TMEM117: variants seen among roughly 807,000 people sequenced by gnomAD.
TMEM117 encodes transmembrane protein 117.
A neutral mutation model predicts 52.4 loss-of-function variants in TMEM117; 27 were observed. The observed-to-expected ratio is 0.51, with a 90% CI of 0.38 to 0.71. TMEM117 has a LOEUF of 0.71. Among genes scored for constraint, TMEM117 ranks in the 30% least tolerant of loss-of-function variants. The pLI is 0.00. For synonymous variants in TMEM117, 215 were observed against 206.3 expected (o/e 1.04, Z -0.36); for missense variants, 556 against 630.5 (o/e 0.88, Z 1.26).
intron 4 of TMEM117, among the ~76,000 whole-genome samples, chr12:44,194,962 T>C (rs1341845891): frequency 7.9e-5 from 12 of 152,210 alleles, no homozygotes; most frequent in Non-Finnish European, 1.5e-5. Context: ...GAGCAAAGAT[T>C]AGCAGGCTAG....
chr12:44,019,504 C>G (rs1946423605), intron 3 of TMEM117, among the ~76,000 whole-genome samples: 1 of 152,054 alleles, frequency 6.6e-6, no homozygotes. Flanking sequence ...ATCTGGGGCT[C>G]TCTTCTCTAT....
chr12:43,946,218 A>G (rs1237974863), intron 3 of TMEM117, among the ~76,000 whole-genome samples: 2 of 152,146 alleles, frequency 1.3e-5, no homozygotes, highest in African/African-American at 4.8e-5. Flanking sequence ...AACACAGCCA[A>G]AGGTTTCTCT....
chr12:43,874,426 CAAAAA>C (rs11436135), intron 2 of TMEM117, among the ~76,000 whole-genome samples: 1 of 143,946 alleles, frequency 6.9e-6, no homozygotes, highest in East Asian at 2.0e-4. Context: ...ACTAAAAGTA[CAAAAA>C]AAAAAAAAAT....
the TMEM117 span, among the ~76,000 whole-genome samples, chr12:43,820,767 A>G: frequency 1.3e-5 from 2 of 152,114 alleles, no homozygotes; most frequent in Non-Finnish European, 2.9e-5. Flanking sequence ...ATAGACAAGT[A>G]ATAAGTTAAA....
At chr12:44,011,642 A>G (rs1181132190) in intron 3 of TMEM117, among the ~76,000 whole-genome samples, 2 of 145,412 alleles carry the variant, frequency 1.4e-5, no homozygotes, top group Non-Finnish European at 3.0e-5. Flanking sequence ...ATAGAGTAAT[A>G]TAACTATATT....
chr12:44,187,840 A>G (rs1476565315), intron 4 of TMEM117, among the ~76,000 whole-genome samples: 1 of 152,102 alleles, frequency 6.6e-6, no homozygotes, highest in Non-Finnish European at 1.5e-5. Context: ...TAAGTGACTC[A>G]TATGGAGCTG....
chr12:44,257,074 T>C (rs186691125), intron 5 of TMEM117, among the ~76,000 whole-genome samples: 1 of 149,164 alleles, frequency 6.7e-6, no homozygotes, highest in Non-Finnish European at 1.5e-5. Context: ...ATACTAGATG[T>C]TTATTTGTAT....
In TMEM117 at chr12:44,385,250, A is replaced by G. The variant is rs1365521953; in HGVS notation, c.899-2776A>G. Among the ~76,000 whole-genome samples, 9 of 152,298 alleles carry G rather than the reference A, an allele frequency of 5.9e-5. No individual in the cohort carries two copies. The South Asian group carries it at 1.7e-3, about 28-fold the overall frequency. On this transcript the variant is annotated intron_variant, in intron 7 of 7. Transcript: ENST00000266534. Reference sequence around the variant, plus strand: ...GATATCCGTTAACTGATGTTAGGCCATACAGTTTTAATTTGCTCCTTCTCC... The same window carrying G: ...GATATCCGTTAACTGATGTTAGGCCGTACAGTTTTAATTTGCTCCTTCTCC...
rs56170922 is a variant in TMEM117 at position 43,912,507 on chromosome 12, T to TTATATATATA, written c.278-31683_278-31674dup. On this transcript the variant is annotated intron_variant, in intron 2 of 7. Transcript: ENST00000266534. ...AAACTTAAAGTATAATAATAATAAT[T>TTATATATATA]TATATATATATATATATATATATAT... 6.8e-3 allele frequency among the ~76,000 whole-genome samples: 894 copies of TTATATATATA among 131,862 alleles called. 29 individuals carry two copies. Among genetic ancestry groups the TTATATATATA allele is most frequent in the African/African-American group, 0.012 (311 of 24,960 alleles). The allele number at this position is 131,862 out of a possible 152,430, so 86.5% of individuals were successfully genotyped here. A position where few individuals can be genotyped will look rare whatever the true frequency, so the allele number is the denominator to read the frequency against.
chr12:43,865,560 G>C (rs1291692191), intron 2 of TMEM117, among the ~76,000 whole-genome samples: 1 of 151,984 alleles, frequency 6.6e-6, no homozygotes, highest in Non-Finnish European at 1.5e-5. Context: ...AGCCGGGCGT[G>C]GTGGTGCATG....
chr12:44,024,571 G>GAAGGGAGAAAGGAAAGTAGC, intron 3 of TMEM117, among the ~76,000 whole-genome samples: 1 of 145,418 alleles, frequency 6.9e-6, no homozygotes, highest in Non-Finnish European at 1.5e-5. Flanking sequence ...AGGAAGGCAG[G>GAAGGGAGAAAGGAAAGTAGC]AAGGGAGAAA....
chr12:43,943,653 T>C (rs938953145), intron 2 of TMEM117, among the ~76,000 whole-genome samples: 1 of 152,234 alleles, frequency 6.6e-6, no homozygotes, highest in African/African-American at 2.4e-5. Context: ...TGTTTGTACT[T>C]GTACAGGGGC....
At chr12:43,862,224 A>G (rs1943502439) in intron 2 of TMEM117, among the ~76,000 whole-genome samples, 1 of 152,182 alleles carries the variant, frequency 6.6e-6, no homozygotes, top group Non-Finnish European at 1.5e-5. Context: ...GCTGGAGTGC[A>G]GTGGTGTGCT....
chr12:43,959,747 G>T (rs1373044462), intron 3 of TMEM117, among the ~76,000 whole-genome samples: 2 of 152,098 alleles, frequency 1.3e-5, no homozygotes, highest in Non-Finnish European at 2.9e-5. Flanking sequence ...ATATTTGTTT[G>T]TTTTGGGAGG....
chr12:44,248,331 A>G (rs1008871405), intron 5 of TMEM117: 2 of 152,366 alleles, frequency 1.3e-5, no homozygotes. Flanking sequence ...TGTACCCTGA[A>G]CTTTCCTTCC....
chr12:44,148,541 A>T (rs1178966410), intron 4 of TMEM117, among the ~76,000 whole-genome samples: 2 of 152,158 alleles, frequency 1.3e-5, no homozygotes, highest in Non-Finnish European at 2.9e-5. Flanking sequence ...ATATCTGTCT[A>T]AATATTTGAG....
chr12:44,060,569 T>C (rs1592482853), intron 3 of TMEM117, among the ~76,000 whole-genome samples: 2 of 152,242 alleles, frequency 1.3e-5, no homozygotes, highest in South Asian at 4.2e-4. Flanking sequence ...CTTCTAAGCT[T>C]TGGGCGAAGT....
chr12:43,811,167 A>AT, the TMEM117 span, among the ~76,000 whole-genome samples: 1 of 152,182 alleles, frequency 6.6e-6, no homozygotes, highest in Non-Finnish European at 1.5e-5. Flanking sequence ...TGATGTGGCC[A>AT]TGTGATTAAA....
intron 5 of TMEM117, among the ~76,000 whole-genome samples, chr12:44,289,756 G>C (rs1950682271): frequency 1.3e-5 from 2 of 151,882 alleles, no homozygotes; most frequent in African/African-American, 4.8e-5. Context: ...GTTTCACTAT[G>C]TTGGCCAGGA....
Sources: gnomAD v4.1 joint callset for allele counts (sites outside exome capture counted in the v4.1 genomes callset) on GRCh38, gnomAD v4.1.1 for gene constraint, MANE v1.5 for transcripts, NCBI Gene and HGNC (gene_info 2026-07-23, HGNC 2026-07-21) for gene names.